Variants in HIVEP3 observed in about 807,000 individuals in gnomAD.
The protein encoded by HIVEP3 is transcription factor HIVEP3.
HIVEP3 carries 49 observed loss-of-function variants against 152.8 expected under a neutral mutation model. The observed-to-expected ratio is 0.32, with a 90% CI of 0.26 to 0.41. The LOEUF (loss-of-function observed/expected upper bound fraction) is 0.41. Among genes scored for constraint, HIVEP3 ranks in the 10% least tolerant of loss-of-function variants. The probability of loss-of-function intolerance (pLI) is 1.00; values close to 1 mark genes in which losing one functional copy is unlikely to be tolerated. For missense variants in HIVEP3, 2,790 were observed against 3,103.3 expected, an observed-to-expected ratio of 0.90 and a Z score of 2.40; for synonymous variants, 1,269 against 1,289.0, an observed-to-expected ratio of 0.98 and a Z score of 0.33.
At chr1:41,719,010 C>T (rs1646638535) in intron 1 of HIVEP3, among the ~76,000 whole-genome samples, 1 of 152,158 alleles carries the variant, frequency 6.6e-6, no homozygotes, top group South Asian at 2.1e-4. Flanking sequence ...GGGCAACAGC[C>T]CATGGCCAAG....
chr1:41,557,582 C>CT (rs1463131256), intron 5 of HIVEP3, among the ~76,000 whole-genome samples: 2 of 151,630 alleles, frequency 1.3e-5, no homozygotes, highest in Non-Finnish European at 2.9e-5. Context: ...CTGGAGTCAC[C>CT]TTTGGGGGGA....
At chr1:41,695,713 A>G (rs1219503242) in intron 2 of HIVEP3, among the ~76,000 whole-genome samples, 2 of 152,240 alleles carry the variant, frequency 1.3e-5, no homozygotes, top group Non-Finnish European at 2.9e-5. Context: ...GAAATGCCCT[A>G]CATTCTGAAG....
At chr1:41,884,720 TAA>T (rs1644316334) in intron 1 of HIVEP3, among the ~76,000 whole-genome samples, 1 of 152,244 alleles carries the variant, frequency 6.6e-6, no homozygotes, top group African/African-American at 2.4e-5. Context: ...TGCTGGGTTC[TAA>T]CAGTGGCTCC....
At chr1:42,025,928 G>A (rs112587106) in intron 1 of HIVEP3, among the ~76,000 whole-genome samples, 9 of 152,032 alleles carry the variant, frequency 5.9e-5, no homozygotes, top group African/African-American at 1.2e-4. Flanking sequence ...AAAATTAGCC[G>A]GGCGTGGTGG....
rs116046728 is a variant in HIVEP3, at chr1:41,717,900, T to C, written c.-800-16905A>G. On this transcript the variant is annotated intron_variant, in intron 1 of 8. Coordinates refer to ENST00000372583, the MANE Select transcript of HIVEP3 (RefSeq NM_024503.5). ...TGAGCGCCTAGCTCACGGCAGGCTCTGGCTGTGCTGGGCCCTAGCACACAG... is the reference window on the plus strand; with the variant it reads ...TGAGCGCCTAGCTCACGGCAGGCTCCGGCTGTGCTGGGCCCTAGCACACAG... Among the ~76,000 whole-genome samples, 740 of 152,354 alleles carry C rather than the reference T, an allele frequency of 4.9e-3. 7 individuals are homozygous for C. Among genetic ancestry groups the C allele is most frequent in the African/African-American group, 0.017 (713 of 41,574 alleles).
At chr1:41,859,065 A>C (rs533451253) in intron 1 of HIVEP3, among the ~76,000 whole-genome samples, 1 of 152,340 alleles carries the variant, frequency 6.6e-6, no homozygotes, top group South Asian at 2.1e-4. Flanking sequence ...AGGGTTATTA[A>C]AGGAATTATG....
chr1:41,905,710 G>A (rs1644698574), intron 1 of HIVEP3, among the ~76,000 whole-genome samples: 1 of 152,180 alleles, frequency 6.6e-6, no homozygotes, highest in Admixed American at 6.5e-5. Context: ...AGCTTAGTGA[G>A]GGTGTCAAAC....
chr1:41,837,608 G>C (rs996406453), intron 1 of HIVEP3, among the ~76,000 whole-genome samples: 1 of 152,196 alleles, frequency 6.6e-6, no homozygotes, highest in Non-Finnish European at 1.5e-5. Context: ...TTATAAGCAA[G>C]AGCCACCACG....
In HIVEP3 at chr1:41,851,449, C is replaced by T. The variant is rs553163957; in HGVS notation, c.-801+66964G>A. On this transcript the variant is annotated intron_variant, in intron 1 of 8. Transcript: ENST00000372583. ...TCCCAAGTAGCTGGGTCTACAGGCA[C>T]GTGCCACCACACCTGGCTAATTTTT... is the stretch of plus-strand genomic sequence containing the variant. 2.6e-5 allele frequency among the ~76,000 whole-genome samples: 4 copies of T among 151,996 alleles called. No homozygotes were observed. In the South Asian group the frequency reaches 8.3e-4, roughly 32 times the overall value.
intron 2 of HIVEP3, among the ~76,000 whole-genome samples, chr1:41,681,789 T>C (rs538729475): frequency 9.2e-5 from 14 of 152,212 alleles, no homozygotes; most frequent in Non-Finnish European, 1.9e-4. Flanking sequence ...TAAGTTCCAC[T>C]GCCACAACCT....
At chr1:41,554,263 T>C (rs182138518) in intron 5 of HIVEP3, among the ~76,000 whole-genome samples, 29 of 152,370 alleles carry the variant, frequency 1.9e-4, no homozygotes, top group African/African-American at 7.0e-4. Flanking sequence ...CAATCACTGA[T>C]ACCCTTTCTT....
chr1:41,931,739 T>C (rs1644996728), intron 1 of HIVEP3, among the ~76,000 whole-genome samples: 2 of 152,044 alleles, frequency 1.3e-5, no homozygotes, highest in South Asian at 4.1e-4. Flanking sequence ...CTGAAAAGGC[T>C]ATTGCTCTCT....
At chr1:42,025,351 T>C (rs1645575956) in intron 1 of HIVEP3, among the ~76,000 whole-genome samples, 1 of 152,264 alleles carries the variant, frequency 6.6e-6, no homozygotes, top group Non-Finnish European at 1.5e-5. Context: ...TTATTTCTAG[T>C]TCTGTTTAAC....
At chr1:42,027,767 C>T (rs1466151395) in intron 1 of HIVEP3, among the ~76,000 whole-genome samples, 4 of 152,188 alleles carry the variant, frequency 2.6e-5, no homozygotes, top group Non-Finnish European at 4.4e-5. Flanking sequence ...GCACTTCTTA[C>T]ATGGCGGTGG....
intron 1 of HIVEP3, among the ~76,000 whole-genome samples, chr1:41,782,852 A>C (rs1649130714): frequency 6.6e-6 from 1 of 152,236 alleles, no homozygotes; most frequent in South Asian, 2.1e-4. Context: ...GGAGGAGTTA[A>C]GCAAGGAAAA....
intron 1 of HIVEP3, among the ~76,000 whole-genome samples, chr1:41,827,038 C>G (rs1017482534): frequency 4.0e-4 from 61 of 152,334 alleles, no homozygotes; most frequent in African/African-American, 1.3e-3. Flanking sequence ...TCTTCTCTAC[C>G]TGGAGCTCTT....
intron 2 of HIVEP3, among the ~76,000 whole-genome samples, chr1:41,653,404 T>C (rs2124021635): frequency 6.6e-6 from 1 of 152,228 alleles, no homozygotes; most frequent in East Asian, 1.9e-4. Context: ...GACTGAGAAC[T>C]CCTGCAGGAT....
At chr1:41,549,525 T>G (rs1218808336) in intron 5 of HIVEP3, among the ~76,000 whole-genome samples, 3 of 152,230 alleles carry the variant, frequency 2.0e-5, no homozygotes, top group Admixed American at 2.0e-4. Context: ...CCACATCCTC[T>G]CCAGCATCTG....
intron 1 of HIVEP3, among the ~76,000 whole-genome samples, chr1:41,719,700 A>G (rs1436415067): frequency 6.6e-6 from 1 of 152,200 alleles, no homozygotes; most frequent in East Asian, 1.9e-4. Context: ...AATAACAGAG[A>G]AAGATGACAC....
Sources: allele counts gnomAD v4.1 joint callset (sites outside exome capture counted in the v4.1 genomes callset), GRCh38; gene constraint gnomAD v4.1.1; transcripts MANE v1.5; gene names NCBI Gene and HGNC (gene_info 2026-07-23, HGNC 2026-07-21).